Variants in CDKAL1 observed in about 807,000 individuals in gnomAD.
CDKAL1 encodes threonylcarbamoyladenosine tRNA methylthiotransferase.
Under a neutral mutation model 68.2 loss-of-function variants are expected in CDKAL1, and 32 were observed. The ratio of observed to expected loss-of-function variants is 0.47; its 90% CI spans 0.35 to 0.63. The LOEUF is 0.63. Ranked by LOEUF, CDKAL1 falls within the 30% of genes least tolerant of loss-of-function variation. The pLI, the probability that CDKAL1 is intolerant of heterozygous loss-of-function variation, is 0.00. For synonymous variants in CDKAL1, 234 were observed against 244.3 expected (o/e 0.96, Z 0.39); for missense variants, 606 against 696.7 (o/e 0.87, Z 1.47).
chr6:20,753,245 C>T (rs1379892039), intron 6 of CDKAL1, among the ~76,000 whole-genome samples: 1 of 147,562 alleles, frequency 6.8e-6, no homozygotes, highest in African/African-American at 2.5e-5. Context: ...TTGGACATTT[C>T]CTATTGTGAC....
intron 8 of CDKAL1, among the ~76,000 whole-genome samples, chr6:20,804,719 C>G (rs923235473): frequency 6.6e-6 from 1 of 152,132 alleles, no homozygotes; most frequent in East Asian, 1.9e-4. Context: ...CAGGTCTGGG[C>G]TGCCATCTTT....
At chr6:20,663,962 A>G (rs1221599013) in intron 5 of CDKAL1, among the ~76,000 whole-genome samples, 6 of 152,080 alleles carry the variant, frequency 3.9e-5, no homozygotes, top group Non-Finnish European at 5.9e-5. Context: ...AATGTTTTAG[A>G]TTTCACTTGA....
At chr6:20,791,313 T>A (rs1775890183) in intron 8 of CDKAL1, among the ~76,000 whole-genome samples, 1 of 152,232 alleles carries the variant, frequency 6.6e-6, no homozygotes, top group African/African-American at 2.4e-5. Context: ...ATTATTAACT[T>A]TATTACTATG....
intron 8 of CDKAL1, among the ~76,000 whole-genome samples, chr6:20,822,572 A>T (rs138003257): frequency 4.6e-5 from 7 of 152,286 alleles, no homozygotes; most frequent in Admixed American, 1.3e-4. Flanking sequence ...TCCTCACCCA[A>T]ATCTCATCTT....
rs140643431 is a variant in CDKAL1 at position 20,580,858 on chromosome 6, C to T, written c.286+32153C>T. On this transcript the variant is annotated intron_variant, in intron 4 of 15. Transcript: ENST00000274695. ...AGGCTGAAGTGCAATGGTGCGATCT[C>T]GGCTTACTGCAACCTCCATCTCCTG... Among the ~76,000 whole-genome samples the T allele has an allele frequency of 6.5e-4, 99 of 151,820 alleles. 1 individual carries two copies. Among genetic ancestry groups the T allele is most frequent in the African/African-American group, 2.2e-3 (93 of 41,386 alleles).
At chr6:20,686,466 C>CTGTCA (rs2127798029) in intron 5 of CDKAL1, among the ~76,000 whole-genome samples, 1 of 152,324 alleles carries the variant, frequency 6.6e-6, no homozygotes, top group South Asian at 2.1e-4. Context: ...GCCTGATGAT[C>CTGTCA]TGTCACTGTC....
intron 2 of CDKAL1, among the ~76,000 whole-genome samples, chr6:20,538,957 A>G (rs968952991): frequency 2.6e-5 from 4 of 152,244 alleles, no homozygotes; most frequent in South Asian, 2.1e-4. Flanking sequence ...GTGCTTAACA[A>G]GCTTACATTG....
chr6:21,035,899 A>G (rs1769555399), intron 11 of CDKAL1, among the ~76,000 whole-genome samples: 2 of 152,174 alleles, frequency 1.3e-5, no homozygotes, highest in Non-Finnish European at 2.9e-5. Context: ...ATTAGATTCT[A>G]CTTCCTCTAT....
intron 11 of CDKAL1, among the ~76,000 whole-genome samples, chr6:21,007,369 C>G (rs557219989): frequency 6.6e-6 from 1 of 150,798 alleles, no homozygotes; most frequent in Non-Finnish European, 1.5e-5. Context: ...CCTATAGTCC[C>G]AAGTAGTCGC....
At chr6:20,868,535 G>A (rs1007829414) in intron 9 of CDKAL1, among the ~76,000 whole-genome samples, 2 of 152,240 alleles carry the variant, frequency 1.3e-5, no homozygotes, top group African/African-American at 4.8e-5. Context: ...AGCAGCTGCA[G>A]TGCCTTATGG....
intron 12 of CDKAL1, among the ~76,000 whole-genome samples, chr6:21,105,419 G>T (rs1231398075): frequency 2.0e-5 from 3 of 152,192 alleles, no homozygotes; most frequent in Non-Finnish European, 4.4e-5. Context: ...TCAGAAGGTA[G>T]CAACAAGGCC....
rs538034958 is a variant in CDKAL1 at position 20,580,837 on chromosome 6, T to G, written c.286+32132T>G. ...GGAGTTTCGCTTTTGTTGCCCAGGCTGAAGTGCAATGGTGCGATCTCGGCT... is the reference window on the plus strand; with the variant it reads ...GGAGTTTCGCTTTTGTTGCCCAGGCGGAAGTGCAATGGTGCGATCTCGGCT... On this transcript the variant is annotated intron_variant, in intron 4 of 15. Coordinates refer to ENST00000274695, the MANE Select transcript of CDKAL1 (RefSeq NM_017774.3). 3.3e-5 allele frequency among the ~76,000 whole-genome samples: 5 copies of G among 152,162 alleles called. No homozygotes were observed. In the East Asian group the frequency reaches 9.7e-4, roughly 30 times the overall value.
chr6:21,133,778 T>C (rs2151023978), intron 13 of CDKAL1, among the ~76,000 whole-genome samples: 1 of 152,294 alleles, frequency 6.6e-6, no homozygotes, highest in Non-Finnish European at 1.5e-5. Context: ...TTAATGCTGT[T>C]TTTACTTGTA....
chr6:21,044,170 C>A (rs114208209), intron 11 of CDKAL1, among the ~76,000 whole-genome samples: 1 of 151,808 alleles, frequency 6.6e-6, no homozygotes, highest in Non-Finnish European at 1.5e-5. Flanking sequence ...TTGATTTTAT[C>A]TTCTCTAAGG....
intron 8 of CDKAL1, among the ~76,000 whole-genome samples, chr6:20,811,948 C>A (rs542679748): frequency 2.6e-5 from 4 of 152,190 alleles, no homozygotes; most frequent in African/African-American, 9.6e-5. Context: ...AAAAGCCATC[C>A]TTAGATCCCT....
At chr6:21,147,038 C>T (rs142154953) in intron 13 of CDKAL1, among the ~76,000 whole-genome samples, 1 of 152,112 alleles carries the variant, frequency 6.6e-6, no homozygotes, top group East Asian at 1.9e-4. Flanking sequence ...ATGGACGCCA[C>T]GACCAAAGGC....
intron 15 of CDKAL1, among the ~76,000 whole-genome samples, chr6:21,217,070 C>G (rs1050632344): frequency 6.6e-6 from 1 of 152,068 alleles, no homozygotes; most frequent in Non-Finnish European, 1.5e-5. Context: ...CTTTTTCCAA[C>G]CTGGTATATG....
At chr6:21,193,097 G>A (rs1319564944) in intron 13 of CDKAL1, among the ~76,000 whole-genome samples, 1 of 152,120 alleles carries the variant, frequency 6.6e-6, no homozygotes, top group Non-Finnish European at 1.5e-5. Flanking sequence ...GGGATTACAG[G>A]TGTGAACCAC....
At chr6:20,734,890 G>A (rs1176706117) in intron 5 of CDKAL1, among the ~76,000 whole-genome samples, 16 of 83,350 alleles carry the variant, frequency 1.9e-4, no homozygotes, top group East Asian at 7.3e-4. Context: ...TTTTTTTTGA[G>A]ATGGAGTCTC....
Sources: allele counts gnomAD v4.1 joint callset (sites outside exome capture counted in the v4.1 genomes callset), GRCh38; gene constraint gnomAD v4.1.1; transcripts MANE v1.5; gene names NCBI Gene and HGNC (gene_info 2026-07-23, HGNC 2026-07-21).